The following MED14 variants were observed in gnomAD, a reference collection of about 807,000 sequenced individuals.
MED14 encodes the protein mediator of RNA polymerase II transcription subunit 14.
A neutral mutation model predicts 109.0 loss-of-function variants in MED14; 8 were observed. The ratio of observed to expected loss-of-function variants is 0.07; its 90% CI spans 0.04 to 0.13. The LOEUF is 0.13. MED14 is among the 10% of genes least tolerant of loss of function. MED14 has a pLI of 1.00. For synonymous variants in MED14, 399 were observed against 408.7 expected (o/e 0.98, Z 0.29); for missense variants, 711 against 1,142.4 (o/e 0.62, Z 5.44).
At chrX:40,686,725 T>C (rs767201527) in intron 16 of MED14, among the ~76,000 whole-genome samples, 1 of 112,084 alleles carries the variant, frequency 8.9e-6, no homozygotes, top group Non-Finnish European at 1.9e-5. Context: ...TGCTATGTCT[T>C]AGCAGACAGA....
At chrX:40,655,666 A>ATT (rs376450448) in intron 28 of MED14, among the ~76,000 whole-genome samples, 21 of 112,272 alleles carry the variant, frequency 1.9e-4, no homozygotes, top group African/African-American at 5.8e-4. Context: ...AATTATATCC[A>ATT]TTGGTGCTTT....
intron 1 of MED14, among the ~76,000 whole-genome samples, chrX:40,730,679 T>C (rs932899334): frequency 9.0e-6 from 1 of 111,478 alleles, no homozygotes; most frequent in African/African-American, 3.3e-5. Context: ...TCCTAATCTA[T>C]TTGAAATTCT....
At chrX:40,691,404 A>AG (rs1319848591) in intron 15 of MED14, among the ~76,000 whole-genome samples, 2 of 111,304 alleles carry the variant, frequency 1.8e-5, no homozygotes, top group African/African-American at 6.5e-5. Flanking sequence ...GCTCCTACTA[A>AG]GAGGTATAAA....
At chrX:40,658,137 C>G (rs1388412383) in intron 28 of MED14, among the ~76,000 whole-genome samples, 2 of 87,375 alleles carry the variant, frequency 2.3e-5, no homozygotes, top group African/African-American at 4.4e-5. Context: ...ATCACCCAAG[C>G]TGGAGTGCAG....
chrX:40,723,474 C>T (rs963943902), intron 3 of MED14, among the ~76,000 whole-genome samples: 2 of 108,931 alleles, frequency 1.8e-5, no homozygotes, highest in Non-Finnish European at 3.8e-5. Context: ...AAGACCAGCC[C>T]GGCCAACACG....
rs749799762 is a variant in MED14 at position 40,682,553 on chromosome X, G to A, written c.2365+50C>T. The A allele has an allele frequency of 1.9e-5, 19 of 1,010,773 alleles. 1 individual carries two copies. In the South Asian group the frequency reaches 3.4e-4, roughly 18 times the overall value. 83.3% of individuals were successfully genotyped at this position (1,010,773 alleles called of 1,213,427 possible). ...TTCACTTCAGTTAAAAAAAGGGTGA[G>A]GGCTTTTTTTTTTTAATTTATTTAA... On this transcript the variant is annotated intron_variant, in intron 18 of 30. Transcript: ENST00000324817.
chrX:40,671,329 T>A (rs1166864267), intron 23 of MED14, among the ~76,000 whole-genome samples: 1 of 111,990 alleles, frequency 8.9e-6, no homozygotes, highest in Non-Finnish European at 1.9e-5. Flanking sequence ...ACTTTTACGG[T>A]GCACTTCATA....
chrX:40,685,361 T>A (rs780869735), intron 16 of MED14, among the ~76,000 whole-genome samples: 15 of 111,977 alleles, frequency 1.3e-4, no homozygotes, highest in African/African-American at 4.9e-4. Flanking sequence ...TCACTGACAG[T>A]GCTAGCAAAA....
rs1929867469 is a variant in MED14, at chrX:40,675,096, TA to T, written c.3021+124del. The stretch of plus-strand genomic sequence containing the variant: ...CCTCCTTCTGTAACTCTTTATTTCA[TA>T]AGTATTTCCTGGGCATCTCAGGCCC... On this transcript the variant is annotated intron_variant, in intron 22 of 30. Transcript: ENST00000324817. The T allele has an allele frequency of 6.9e-6, 4 of 577,981 alleles. No individual in the cohort carries two copies. The African/African-American group carries it at 9.4e-5, about 14-fold the overall frequency. The allele number at this position is 577,981 out of a possible 1,213,427, so 47.6% of individuals were successfully genotyped here.
At chrX:40,654,631 C>T in intron 29 of MED14, 75 bp from the exon 30 acceptor site, 1 of 1,014,295 alleles carries the variant, frequency 9.9e-7, no homozygotes, top group Non-Finnish European at 1.3e-6. Context: ...AAGGTACTAT[C>T]ATTTACTGTA....
At chrX:40,723,178 C>T (rs1431206997) in intron 3 of MED14, among the ~76,000 whole-genome samples, 1 of 111,601 alleles carries the variant, frequency 9.0e-6, no homozygotes, top group Non-Finnish European at 1.9e-5. Flanking sequence ...TTTGAAGATA[C>T]AGAACTTTTG....
At chrX:40,670,032 A>C (rs1317304465) in intron 23 of MED14, among the ~76,000 whole-genome samples, 4 of 112,053 alleles carry the variant, frequency 3.6e-5, no homozygotes, top group Non-Finnish European at 7.5e-5. Context: ...CACCCCCCAA[A>C]TAAAAGTGAA....
chrX:40,665,397 C>T (rs1409578409), intron 24 of MED14, among the ~76,000 whole-genome samples: 1 of 110,912 alleles, frequency 9.0e-6, no homozygotes, highest in Non-Finnish European at 1.9e-5. Flanking sequence ...TGGTTGTGCA[C>T]ATCTGTAGTC....
intron 13 of MED14, among the ~76,000 whole-genome samples, chrX:40,696,743 A>T (rs752767378): frequency 8.9e-6 from 1 of 111,801 alleles, no homozygotes; most frequent in East Asian, 2.8e-4. Flanking sequence ...AGACCTTCAT[A>T]GGAATTGGTC....
intron 8 of MED14, 92 bp downstream of exon 8, chrX:40,711,077 C>A (rs934890997): frequency 1.0e-6 from 1 of 999,050 alleles, no homozygotes; most frequent in Non-Finnish European, 1.4e-6. Context: ...CAAGGGTCAA[C>A]TGTATATTAA....
chrX:40,659,787 G>A (rs1393317486), intron 26 of MED14, 180 bp from the exon 27 acceptor site: 1 of 376,348 alleles, frequency 2.7e-6, no homozygotes, highest in East Asian at 4.3e-5. Flanking sequence ...GACATTATGT[G>A]CCTCTTGATG....
rs1417505075 is a variant in MED14 at position 40,719,519 on chromosome X, TA to T, written c.349-4810del. ...TGAATCAATCTTGAAAATACTACAC[TA>T]AAAAAAAAAATGCTAAGTTAAAGAA... On this transcript the variant is annotated intron_variant, in intron 3 of 30. Coordinates refer to ENST00000324817, the MANE Select transcript of MED14 (RefSeq NM_004229.4). Among the ~76,000 whole-genome samples the T allele has an allele frequency of 9.7e-4, 101 of 104,616 alleles. No homozygotes were observed. In the South Asian group the frequency reaches 0.012, roughly 13 times the overall value. The allele number at this position is 104,616 out of a possible 115,157, so 90.8% of individuals were successfully genotyped here. A position where few individuals can be genotyped will look rare whatever the true frequency, so the allele number is the denominator to read the frequency against.
At chrX:40,665,170 G>A (rs1258059052) in intron 24 of MED14, among the ~76,000 whole-genome samples, 2 of 111,654 alleles carry the variant, frequency 1.8e-5, no homozygotes, top group Non-Finnish European at 3.8e-5. Flanking sequence ...TTACAAATGG[G>A]CAAGAAAAAA....
intron 21 of MED14, among the ~76,000 whole-genome samples, chrX:40,677,492 TTATG>T (rs1929948618): frequency 9.1e-6 from 1 of 110,478 alleles, no homozygotes; most frequent in Non-Finnish European, 1.9e-5. Context: ...AAAATAGAGA[TTATG>T]TAGGATAAAA....
Sources: allele counts gnomAD v4.1 joint callset (sites outside exome capture counted in the v4.1 genomes callset), GRCh38; gene constraint gnomAD v4.1.1; transcripts MANE v1.5; gene names NCBI Gene and HGNC (gene_info 2026-07-23, HGNC 2026-07-21).